TANC1: variants seen among roughly 807,000 people sequenced by gnomAD.
The protein encoded by TANC1 is tetratricopeptide repeat, ankyrin repeat and coiled-coil containing 1.
TANC1 carries 77 observed loss-of-function variants against 149.7 expected under a neutral mutation model. That is an observed-to-expected ratio of 0.51 (90% CI 0.43 to 0.62). The LOEUF is 0.62. TANC1 is among the 20% of genes least tolerant of loss of function. The pLI, the probability that TANC1 is intolerant of heterozygous loss-of-function variation, is 0.00. For missense variants in TANC1, 1,985 were observed against 2,321.8 expected (o/e 0.85, Z 2.98); for synonymous variants, 854 against 925.0 (o/e 0.92, Z 1.39).
intron 1 of TANC1, among the ~76,000 whole-genome samples, chr2:158,981,496 TATATATATA>T (rs2034333358): frequency 1.8e-4 from 2 of 11,030 alleles, no homozygotes; most frequent in East Asian, 3.7e-3. Context: ...AGCTTTTATA[TATATATATA>T]TATATATATA....
intron 4 of TANC1, among the ~76,000 whole-genome samples, chr2:159,123,074 A>G (rs1043171997): frequency 2.6e-5 from 4 of 152,070 alleles, no homozygotes; most frequent in African/African-American, 9.7e-5. Context: ...TCTAGAGACA[A>G]TTGCGTTCTG....
intron 4 of TANC1, among the ~76,000 whole-genome samples, chr2:159,127,199 A>T (rs2049539729): frequency 6.6e-6 from 1 of 152,216 alleles, no homozygotes; most frequent in African/African-American, 2.4e-5. Flanking sequence ...ATGGCCAACA[A>T]ACATAAGAAA....
chr2:159,170,108 G>A (rs2055039174), intron 9 of TANC1, among the ~76,000 whole-genome samples: 2 of 152,136 alleles, frequency 1.3e-5, no homozygotes, highest in African/African-American at 4.8e-5. Flanking sequence ...ACCTGGATGA[G>A]AGCAGAGCCC....
chr2:158,975,993 C>G (rs2033618059), intron 1 of TANC1, among the ~76,000 whole-genome samples: 1 of 151,878 alleles, frequency 6.6e-6, no homozygotes, highest in Admixed American at 6.6e-5. Flanking sequence ...ACCACCACAC[C>G]TGGCTAATTT....
intron 10 of TANC1, 139 bp from the exon 11 acceptor site, chr2:159,171,982 C>G (rs1384833835): frequency 4.2e-6 from 3 of 709,666 alleles, no homozygotes; most frequent in Admixed American, 5.6e-5. Context: ...AACCTGTGCT[C>G]TCATGTGGAC....
At chr2:159,091,445 G>C (rs371075475) in intron 3 of TANC1, among the ~76,000 whole-genome samples, 1 of 152,188 alleles carries the variant, frequency 6.6e-6, no homozygotes, top group African/African-American at 2.4e-5. Flanking sequence ...TGGGAGTTTG[G>C]GGGTGGGAGT....
rs571114568 is a variant in TANC1 at position 159,213,293 on chromosome 2, G to A, written c.3245-4204G>A. The stretch of plus-strand genomic sequence containing the variant: ...AGTAGGAATCATTAACGTTATCATC[G>A]TGGCAGGAAGAGACTACAGCGAGAA... On this transcript the variant is annotated intron_variant, in intron 19 of 26. Transcript: ENST00000263635. Among the ~76,000 whole-genome samples, 82 of 152,066 alleles carry A rather than the reference G, an allele frequency of 5.4e-4. 1 individual carries two copies. Among genetic ancestry groups the A allele is most frequent in the Non-Finnish European group, 9.6e-4 (65 of 67,976 alleles).
At chr2:159,207,598 G>A (rs1243428774) in intron 19 of TANC1, among the ~76,000 whole-genome samples, 1 of 149,080 alleles carries the variant, frequency 6.7e-6, no homozygotes, top group African/African-American at 2.5e-5. Context: ...TACTCAGGAG[G>A]CTGAGTCAGG....
chr2:159,021,182 C>A (rs2038802108), intron 2 of TANC1, among the ~76,000 whole-genome samples: 1 of 152,048 alleles, frequency 6.6e-6, no homozygotes, highest in African/African-American at 2.4e-5. Context: ...ATAGATAATA[C>A]AGTAAATGAG....
intron 1 of TANC1, among the ~76,000 whole-genome samples, chr2:158,991,435 A>G (rs1368460038): frequency 6.6e-6 from 1 of 152,128 alleles, no homozygotes; most frequent in Non-Finnish European, 1.5e-5. Context: ...AACAAAAAAT[A>G]TATATGCATA....
In TANC1 at chr2:158,983,899, G is replaced by T. The variant is rs1191012234; in HGVS notation, c.-126+15117G>T. 1.3e-5 allele frequency among the ~76,000 whole-genome samples: 2 copies of T among 152,188 alleles called. 1 individual carries two copies. Among genetic ancestry groups the T allele is most frequent in the Non-Finnish European group, 2.9e-5 (2 of 68,040 alleles). On this transcript the variant is annotated intron_variant, in intron 1 of 26. Transcript: ENST00000263635. ...TCCTAAGTTTTGAACAGAAGTGGAG[G>T]AACAGTTTGGAGAATGCCTGGATAT... is the stretch of plus-strand genomic sequence containing the variant.
At position 159,230,693 on chromosome 2, in the gene TANC1, C is replaced by T. The variant is rs780897485; in HGVS notation, c.5267C>T (p.Thr1756Met). 16 of 1,614,218 alleles carry T rather than the reference C, an allele frequency of 9.9e-6. No individual in the cohort carries two copies. In the East Asian group the frequency reaches 1.1e-4, roughly 11 times the overall value. ...GCACCAGAGGGGCTGCTGACAAACACGTCTTCTGCAGCTGGCCTGCAGTCT... is the reference window on the plus strand; with the variant it reads ...GCACCAGAGGGGCTGCTGACAAACATGTCTTCTGCAGCTGGCCTGCAGTCT... ...CPAPEGLLTN[T>M]SSAAGLQSAN... is the part of the protein sequence containing the mutation. Residue 1756 changes from threonine (T) to methionine (M), a missense_variant, in exon 27 of 27, where the codon ACG becomes ATG. Physicochemically the swap from Thr to Met is moderately conservative, Grantham distance 81. Transcript: ENST00000263635. This position sits in a 1 kb window ranked among gnomAD's most constrained non-coding sequence, Gnocchi z 4.4.
intron 22 of TANC1, among the ~76,000 whole-genome samples, chr2:159,221,341 A>G (rs983877284): frequency 2.6e-5 from 4 of 152,190 alleles, no homozygotes; most frequent in African/African-American, 7.2e-5. Flanking sequence ...AGATCATACC[A>G]TTGCACTCCA....
chr2:159,013,376 A>G (rs2037959040), intron 2 of TANC1, among the ~76,000 whole-genome samples: 1 of 152,220 alleles, frequency 6.6e-6, no homozygotes, highest in Non-Finnish European at 1.5e-5. Context: ...GAGTATTTAT[A>G]ATAGGCCTGC....
At chr2:159,213,799 C>A (rs1283125287) in intron 19 of TANC1, among the ~76,000 whole-genome samples, 2 of 152,092 alleles carry the variant, frequency 1.3e-5, no homozygotes, top group Non-Finnish European at 2.9e-5. Context: ...TCTGGGCACC[C>A]ATGGTAATGC....
chr2:159,031,476 C>T (rs2039776270), intron 2 of TANC1, among the ~76,000 whole-genome samples: 1 of 152,196 alleles, frequency 6.6e-6, no homozygotes, highest in Non-Finnish European at 1.5e-5. Context: ...AGCTTGAAAA[C>T]TGAGAATTAC....
intron 1 of TANC1, among the ~76,000 whole-genome samples, chr2:158,985,407 GT>G (rs1208141762): frequency 6.6e-6 from 1 of 152,130 alleles, no homozygotes; most frequent in African/African-American, 2.4e-5. Flanking sequence ...TCTAATTGTT[GT>G]TTTTTAGGGG....
At chr2:159,089,850 C>A (rs902823901) in intron 3 of TANC1, among the ~76,000 whole-genome samples, 3 of 152,242 alleles carry the variant, frequency 2.0e-5, no homozygotes, top group Non-Finnish European at 4.4e-5. Context: ...CAGCTGCAAA[C>A]AAGCTTGCCT....
intron 20 of TANC1, among the ~76,000 whole-genome samples, 166 bp downstream of exon 20, chr2:159,217,796 A>G (rs1021374475): frequency 6.6e-6 from 1 of 152,178 alleles, no homozygotes; most frequent in Non-Finnish European, 1.5e-5. Flanking sequence ...GTTTGACAAG[A>G]TAACACAGTT....
Sources: allele counts gnomAD v4.1 joint callset (sites outside exome capture counted in the v4.1 genomes callset), GRCh38; gene constraint gnomAD v4.1.1; non-coding constraint Gnocchi (gnomAD v3.1); transcripts MANE v1.5; gene names NCBI Gene and HGNC (gene_info 2026-07-23, HGNC 2026-07-21).